Variants in OR6C76 observed in about 807,000 individuals in gnomAD.
The protein encoded by OR6C76 is olfactory receptor family 6 subfamily C member 76.
For missense variants in OR6C76, 352 were observed against 357.3 expected, an observed-to-expected ratio of 0.99 and a Z score of 0.12; for synonymous variants, 140 against 137.8, an observed-to-expected ratio of 1.02 and a Z score of -0.11.
Position 55,427,021 on chromosome 12 carries a change from T to A in OR6C76, c.768T>A (p.Tyr256Ter). The A allele has an allele frequency of 6.2e-7, 1 of 1,613,604 alleles. No individual in the cohort carries two copies. The highest frequency in any genetic ancestry group is 8.5e-7 in the Non-Finnish European group (1 of 1,179,730). ...SISYGSCIFM[Y>*]VKTSAKEGVA... is the part of the protein sequence containing the mutation. ...CTTATGGAAGCTGCATCTTCATGTA[T>A]GTGAAAACATCAGCAAAGGAAGGAG... is the stretch of plus-strand genomic sequence containing the variant. Residue 256 changes from tyrosine to a stop codon, truncating the protein, a stop_gained, in exon 1 of 1, where the codon TAT becomes TAA. Coordinates refer to ENST00000328314, the MANE Select transcript of OR6C76 (RefSeq NM_001005183.1). LOFTEE classifies it low-confidence loss of function (END_TRUNC).
rs113998997 is a variant in OR6C76, at chr12:55,426,290, C to G, written c.37C>G (p.Leu13Val). ...NRTSVTDFILLGLTDNPQLQV... is the reference protein window; with the variant it reads ...NRTSVTDFILVGLTDNPQLQV... Reference sequence around the variant, plus strand: ...AACATCAGTGACAGATTTCATCCTTCTGGGTCTGACGGATAATCCGCAACT... The same window carrying G: ...AACATCAGTGACAGATTTCATCCTTGTGGGTCTGACGGATAATCCGCAACT... Residue 13 changes from leucine (L) to valine (V), a missense_variant, in exon 1 of 1, where the codon CTG becomes GTG. Coordinates refer to ENST00000328314, the MANE Select transcript of OR6C76 (RefSeq NM_001005183.1). 1.2e-6 allele frequency: 2 copies of G among 1,610,424 alleles called. No homozygotes were observed. The highest frequency in any genetic ancestry group is 1.7e-6 in the Non-Finnish European group (2 of 1,178,358).
Sources: allele counts gnomAD v4.1 joint callset, GRCh38; gene constraint gnomAD v4.1.1; transcripts MANE v1.5; gene names NCBI Gene and HGNC (gene_info 2026-07-23, HGNC 2026-07-21).